The following NEBL variants were observed in gnomAD, a reference collection of about 807,000 sequenced individuals.
The protein encoded by NEBL is nebulette.
NEBL carries 122 observed loss-of-function variants against 140.2 expected under a neutral mutation model. The ratio of observed to expected loss-of-function variants is 0.87; its 90% CI spans 0.75 to 1.01. The LOEUF is 1.01. NEBL is among the 50% of genes least tolerant of loss of function. The pLI is 0.00. For missense variants in NEBL, 1,365 were observed against 1,231.3 expected (o/e 1.11, Z -1.62); for synonymous variants, 436 against 398.9 (o/e 1.09, Z -1.11).
chr10:21,019,722 C>T (rs768062801), intron 3 of NEBL, among the ~76,000 whole-genome samples: 3 of 152,212 alleles, frequency 2.0e-5, no homozygotes, highest in African/African-American at 7.2e-5. Context: ...GTGAGATACA[C>T]AGACGGGGTG....
chr10:21,021,025 C>T (rs1244147473), intron 2 of NEBL, among the ~76,000 whole-genome samples: 1 of 152,138 alleles, frequency 6.6e-6, no homozygotes, highest in Non-Finnish European at 1.5e-5. Flanking sequence ...TTCATCACCC[C>T]ACCCCTCCAT....
intron 3 of NEBL, among the ~76,000 whole-genome samples, chr10:21,201,761 A>G (rs1162321056): frequency 6.6e-6 from 1 of 152,130 alleles, no homozygotes; most frequent in African/African-American, 2.4e-5. Flanking sequence ...TATTACAAAT[A>G]TTTCAGTCTT....
chr10:20,859,037 C>A (rs186194588), intron 8 of NEBL, among the ~76,000 whole-genome samples: 1 of 152,104 alleles, frequency 6.6e-6, no homozygotes, highest in East Asian at 1.9e-4. Context: ...AAGTATATTT[C>A]ATCTCTATTT....
intron 4 of NEBL, among the ~76,000 whole-genome samples, chr10:20,929,706 G>A (rs1039881653): frequency 4.7e-5 from 7 of 148,994 alleles, no homozygotes; most frequent in African/African-American, 1.7e-4. Context: ...ATGTGTACAC[G>A]TGGACATACA....
chr10:21,113,457 C>T, intron 2 of NEBL: 1 of 395,964 alleles, frequency 2.5e-6, no homozygotes, highest in South Asian at 2.1e-5. Flanking sequence ...GGATGACTGA[C>T]CAGGAGGCTA....
At chr10:20,894,035 C>G (rs1320931114) in intron 2 of NEBL, among the ~76,000 whole-genome samples, 2 of 152,070 alleles carry the variant, frequency 1.3e-5, no homozygotes, top group Non-Finnish European at 2.9e-5. Flanking sequence ...TGATCTAGAC[C>G]GTCCACATCT....
intron 26 of NEBL, among the ~76,000 whole-genome samples, 191 bp downstream of exon 26, chr10:20,808,319 C>G (rs944446521): frequency 2.0e-5 from 3 of 148,228 alleles, no homozygotes; most frequent in African/African-American, 7.5e-5. Flanking sequence ...AAATAACATG[C>G]AAAAATGCAA....
intron 2 of NEBL, among the ~76,000 whole-genome samples, chr10:21,151,367 C>T (rs1840129361): frequency 6.6e-6 from 1 of 152,130 alleles, no homozygotes; most frequent in South Asian, 2.1e-4. Flanking sequence ...ACTCTTGGTT[C>T]ATTTTAATGA....
At chr10:21,138,210 C>A (rs1171400734) in intron 2 of NEBL, among the ~76,000 whole-genome samples, 7 of 152,138 alleles carry the variant, frequency 4.6e-5, no homozygotes, top group African/African-American at 1.7e-4. Flanking sequence ...TGTCCCAACT[C>A]ACCGTAAACA....
At chr10:20,804,350 GT>G (rs1488744788) in intron 26 of NEBL, 2 of 152,214 alleles carry the variant, frequency 1.3e-5, no homozygotes, top group African/African-American at 4.8e-5. Flanking sequence ...TCCATACAAA[GT>G]TCCCCTAGCA....
intron 2 of NEBL, among the ~76,000 whole-genome samples, chr10:21,076,237 G>A (rs1168451356): frequency 6.6e-6 from 1 of 151,916 alleles, no homozygotes; most frequent in Non-Finnish European, 1.5e-5. Flanking sequence ...GAGATTAGGG[G>A]TTCAAGACTG....
chr10:21,207,188 G>T (rs773860997), intron 3 of NEBL, among the ~76,000 whole-genome samples: 1 of 151,792 alleles, frequency 6.6e-6, no homozygotes, highest in Non-Finnish European at 1.5e-5. Flanking sequence ...TGGCCATGCT[G>T]GTCTCAAACT....
chr10:20,836,890 C>T (rs1006534195), intron 13 of NEBL, among the ~76,000 whole-genome samples: 1 of 151,972 alleles, frequency 6.6e-6, no homozygotes, highest in South Asian at 2.1e-4. Context: ...TCCTGCAACA[C>T]TATTGTAATT....
At chr10:21,141,875 T>C (rs1252880341) in intron 2 of NEBL, among the ~76,000 whole-genome samples, 3 of 152,154 alleles carry the variant, frequency 2.0e-5, no homozygotes, top group Non-Finnish European at 2.9e-5. Flanking sequence ...GTTCTACCCA[T>C]AGGGTGCCTG....
intron 2 of NEBL, among the ~76,000 whole-genome samples, chr10:21,083,668 A>T (rs777790972): frequency 1.3e-5 from 2 of 152,114 alleles, no homozygotes; most frequent in African/African-American, 2.4e-5. Context: ...AACATGGCAA[A>T]ATCCCGTCTC....
intron 13 of NEBL, among the ~76,000 whole-genome samples, chr10:20,837,477 G>T (rs773501902): frequency 6.6e-6 from 1 of 152,214 alleles, no homozygotes; most frequent in Non-Finnish European, 1.5e-5. Context: ...ACTAGCAGAG[G>T]TTGGTTCATG....
chr10:21,061,501 A>G (rs1835305026), intron 2 of NEBL, among the ~76,000 whole-genome samples: 2 of 148,206 alleles, frequency 1.3e-5, no homozygotes, highest in Admixed American at 1.4e-4. Flanking sequence ...GATATATCAT[A>G]TATTACATTA....
rs10541564 is a variant in NEBL, at chr10:21,096,488, A to AGTGTGTGTGTGT, written c.164+75883_164+75894dup. Among the ~76,000 whole-genome samples, 194 of 141,578 alleles carry AGTGTGTGTGTGT rather than the reference A, an allele frequency of 1.4e-3. 1 individual carries two copies. Among genetic ancestry groups the AGTGTGTGTGTGT allele is most frequent in the African/African-American group, 4.5e-3 (177 of 39,358 alleles). The allele number at this position is 141,578 out of a possible 152,430, so 92.9% of individuals were successfully genotyped here. A position where few individuals can be genotyped will look rare whatever the true frequency, so the allele number is the denominator to read the frequency against. ...CGGGCTTTAGAGCAACTTGGTTTTG[A>AGTGTGTGTGTGT]GTGTGTGTGTGTGTGTGTGTGTGTG... On this transcript the variant is annotated intron_variant, in intron 2 of 6. Coordinates refer to the NEBL transcript ENST00000417816.
intron 4 of NEBL, among the ~76,000 whole-genome samples, chr10:20,947,270 G>T (rs1539210): frequency 0.6 from 91,560 of 151,892 alleles, 27,665 homozygotes; most frequent in Admixed American, 0.67. Flanking sequence ...AGCATTAGGG[G>T]AGTTGTAGGG....
Sources: allele counts gnomAD v4.1 joint callset (sites outside exome capture counted in the v4.1 genomes callset), GRCh38; gene constraint gnomAD v4.1.1; transcripts MANE v1.5; gene names NCBI Gene and HGNC (gene_info 2026-07-23, HGNC 2026-07-21).